Variants in STARD13 observed in about 807,000 individuals in gnomAD.
STARD13 encodes StAR related lipid transfer domain containing 13, also known as stAR-related lipid transfer protein 13.
STARD13 carries 62 observed loss-of-function variants against 106.4 expected under a neutral mutation model. The observed-to-expected ratio is 0.58, with a 90% CI of 0.48 to 0.72. The LOEUF is 0.72. Ranked by LOEUF, STARD13 falls within the 30% of genes least tolerant of loss-of-function variation. The probability of loss-of-function intolerance (pLI) is 0.00; values close to 1 mark genes in which losing one functional copy is unlikely to be tolerated. For synonymous variants in STARD13, 565 were observed against 553.0 expected, an observed-to-expected ratio of 1.02 and a Z score of -0.31; for missense variants, 1,387 against 1,424.0, an observed-to-expected ratio of 0.97 and a Z score of 0.42.
At chr13:33,663,249 C>T in the STARD13 span, among the ~76,000 whole-genome samples, 7 of 151,704 alleles carry the variant, frequency 4.6e-5, no homozygotes, top group African/African-American at 1.5e-4. Flanking sequence ...CCATGCCTGG[C>T]CAACGATATT....
chr13:33,616,873 C>A, the STARD13 span, among the ~76,000 whole-genome samples: 2 of 152,054 alleles, frequency 1.3e-5, no homozygotes, highest in Non-Finnish European at 2.9e-5. Context: ...AAGGACAGGT[C>A]GGGAAAAGTT....
intron 8 of STARD13, 48 bp from the exon 9 acceptor site, chr13:33,112,979 A>G: frequency 6.8e-7 from 1 of 1,472,556 alleles, no homozygotes. Flanking sequence ...ACATAGAAAG[A>G]GCCAGCTGGG....
chr13:33,522,844 C>T, the STARD13 span, among the ~76,000 whole-genome samples: 2 of 152,162 alleles, frequency 1.3e-5, no homozygotes, highest in African/African-American at 2.4e-5. Flanking sequence ...AATAGCTACC[C>T]TGGTAACTTT....
At chr13:33,471,710 C>T in the STARD13 span, among the ~76,000 whole-genome samples, 1 of 149,800 alleles carries the variant, frequency 6.7e-6, no homozygotes, top group African/African-American at 2.5e-5. Context: ...GCAATGCAGA[C>T]AAACATATTT....
At chr13:33,581,870 A>G in the STARD13 span, among the ~76,000 whole-genome samples, 1 of 152,182 alleles carries the variant, frequency 6.6e-6, no homozygotes, top group African/African-American at 2.4e-5. Flanking sequence ...TTGAACATCT[A>G]CTATGTACTA....
At chr13:33,106,139 G>A (rs558928298) in intron 13 of STARD13, among the ~76,000 whole-genome samples, 6 of 152,352 alleles carry the variant, frequency 3.9e-5, no homozygotes, top group African/African-American at 1.4e-4. Context: ...GAAATACATG[G>A]TCGAGCACGG....
chr13:33,194,210 C>T (rs797199), intron 1 of STARD13, among the ~76,000 whole-genome samples: 58,902 of 151,916 alleles, frequency 0.39, 11,646 homozygotes, highest in East Asian at 0.56. Flanking sequence ...GCAATGAACA[C>T]AGCACATGCC....
chr13:33,454,983 A>G, the STARD13 span, among the ~76,000 whole-genome samples: 24 of 152,352 alleles, frequency 1.6e-4, no homozygotes, highest in African/African-American at 5.3e-4. Flanking sequence ...AATAAAAGAC[A>G]TATTCCCAAC....
At chr13:33,419,721 C>A in the STARD13 span, among the ~76,000 whole-genome samples, 2 of 152,208 alleles carry the variant, frequency 1.3e-5, no homozygotes, top group Admixed American at 1.3e-4. Flanking sequence ...GGTCGGGTTA[C>A]CCCCAAAGGG....
At chr13:33,629,605 C>T in the STARD13 span, among the ~76,000 whole-genome samples, 2 of 152,100 alleles carry the variant, frequency 1.3e-5, no homozygotes, top group Admixed American at 6.6e-5. Context: ...GAGATTAAAT[C>T]TATTTTAAAT....
chr13:33,551,509 G>A, the STARD13 span, among the ~76,000 whole-genome samples: 5 of 144,460 alleles, frequency 3.5e-5, no homozygotes, highest in Non-Finnish European at 7.5e-5. Flanking sequence ...TGTCAGGCTG[G>A]ATTTTGAAAA....
chr13:33,407,944 TTGAG>T, the STARD13 span, among the ~76,000 whole-genome samples: 5 of 152,294 alleles, frequency 3.3e-5, no homozygotes, highest in African/African-American at 9.6e-5. Context: ...CATGAGTTGA[TTGAG>T]TAATTTGCAT....
At chr13:33,467,296 G>A in the STARD13 span, among the ~76,000 whole-genome samples, 2 of 151,876 alleles carry the variant, frequency 1.3e-5, no homozygotes, top group Non-Finnish European at 2.9e-5. Flanking sequence ...CTCATAAGGA[G>A]GGCACAACCT....
the STARD13 span, among the ~76,000 whole-genome samples, chr13:33,370,996 ACAAT>A: frequency 6.6e-6 from 1 of 152,220 alleles, no homozygotes; most frequent in African/African-American, 2.4e-5. Flanking sequence ...AATCTGTCTC[ACAAT>A]CAAGATCAAT....
chr13:33,340,660 CA>C (rs2077950018), intron 1 of STARD13, among the ~76,000 whole-genome samples: 1 of 152,004 alleles, frequency 6.6e-6, no homozygotes, highest in African/African-American at 2.4e-5. Context: ...CTCTATTGTA[CA>C]AAAAACCAGA....
chr13:33,509,125 CAAGTTTTAT>C, the STARD13 span, among the ~76,000 whole-genome samples: 1 of 152,150 alleles, frequency 6.6e-6, no homozygotes, highest in Non-Finnish European at 1.5e-5. Flanking sequence ...CTGTAAATAT[CAAGTTTTAT>C]GGAATCAGGA....
chr13:33,125,234 A>G (rs1876983051), intron 7 of STARD13, among the ~76,000 whole-genome samples: 1 of 152,236 alleles, frequency 6.6e-6, no homozygotes, highest in Non-Finnish European at 1.5e-5. Context: ...GTTGGTACAG[A>G]TTCTCTGCAT....
At chr13:33,353,927 G>C (rs776749194), upstream of STARD13, among the ~76,000 whole-genome samples, 3 of 152,188 alleles carry the variant, frequency 2.0e-5, no homozygotes, top group Admixed American at 1.3e-4. Context: ...GCCTAAAACA[G>C]TCCCAGACAG....
At chr13:33,334,188 G>C (rs1228557329) in intron 1 of STARD13, 1 of 152,238 alleles carries the variant, frequency 6.6e-6, no homozygotes, top group Non-Finnish European at 1.5e-5. Context: ...AGAGAAGTAA[G>C]AGAAGGCATC....
Sources: allele counts gnomAD v4.1 joint callset (sites outside exome capture counted in the v4.1 genomes callset), GRCh38; gene constraint gnomAD v4.1.1; transcripts MANE v1.5; gene names NCBI Gene and HGNC (gene_info 2026-07-23, HGNC 2026-07-21).